TRDMT1: variants seen among roughly 807,000 people sequenced by gnomAD.
The protein encoded by TRDMT1 is tRNA aspartic acid methyltransferase 1, also known as tRNA (cytosine(38)-C(5))-methyltransferase.
A neutral mutation model predicts 51.2 loss-of-function variants in TRDMT1; 49 were observed. The observed-to-expected ratio is 0.96, with a 90% CI of 0.76 to 1.21. The LOEUF is 1.21. Among genes scored for constraint, TRDMT1 ranks in the 50% most tolerant of loss-of-function variants. The pLI, the probability that TRDMT1 is intolerant of heterozygous loss-of-function variation, is 0.00. For missense variants in TRDMT1, 534 were observed against 462.3 expected, an observed-to-expected ratio of 1.16 and a Z score of -1.42; for synonymous variants, 187 against 164.6, an observed-to-expected ratio of 1.14 and a Z score of -1.04.
At chr10:17,181,128 G>A (rs540761117) in intron 1 of TRDMT1, among the ~76,000 whole-genome samples, 1 of 152,236 alleles carries the variant, frequency 6.6e-6, no homozygotes, top group Admixed American at 6.5e-5. Flanking sequence ...CCCCTCTACA[G>A]CTAGATGCAG....
At chr10:17,149,465 T>G (rs1366554524) in intron 10 of TRDMT1, among the ~76,000 whole-genome samples, 9 of 152,168 alleles carry the variant, frequency 5.9e-5, no homozygotes, top group Non-Finnish European at 5.9e-5. Flanking sequence ...TCACAGTTCT[T>G]TCTTTGATTT....
intron 6 of TRDMT1, 64 bp from the exon 7 acceptor site, chr10:17,159,293 AC>A: frequency 1.7e-6 from 2 of 1,151,338 alleles, no homozygotes; most frequent in Non-Finnish European, 2.5e-6. Context: ...CAACTTTAGC[AC>A]CAAGTTAAAC....
At chr10:17,171,195 TTC>T (rs1301775751) in intron 2 of TRDMT1, among the ~76,000 whole-genome samples, 1 of 151,770 alleles carries the variant, frequency 6.6e-6, no homozygotes, top group Non-Finnish European at 1.5e-5. Context: ...AACATTTGCA[TTC>T]TTAGTCCCAG....
intron 6 of TRDMT1, 58 bp from the exon 7 acceptor site, chr10:17,159,287 T>C: frequency 7.9e-7 from 1 of 1,265,500 alleles, no homozygotes; most frequent in Non-Finnish European, 1.1e-6. Flanking sequence ...CGGTACCAAC[T>C]TTAGCACCAA....
chr10:17,148,360 G>T lies in TRDMT1; in HGVS notation c.*680C>A. 1 of 985,382 alleles carries T rather than the reference G, an allele frequency of 1.0e-6. No individual in the cohort carries two copies. Among genetic ancestry groups the T allele is most frequent in the Non-Finnish European group, 1.2e-6 (1 of 829,916 alleles). The allele number at this position is 985,382 out of a possible 1,614,324, so 61.0% of individuals were successfully genotyped here. A position where few individuals can be genotyped will look rare whatever the true frequency, so the allele number is the denominator to read the frequency against. On this transcript the variant is annotated 3_prime_UTR_variant, in exon 11 of 11. Transcript: ENST00000377799. Reference sequence around the variant, plus strand: ...AAGCTTTGATAATAGTCAACTAAAGGAAAGTACATACAAAATGAAGAAGGA... The same window carrying T: ...AAGCTTTGATAATAGTCAACTAAAGTAAAGTACATACAAAATGAAGAAGGA...
At chr10:17,150,505 C>T in intron 10 of TRDMT1, 1 of 985,284 alleles carries the variant, frequency 1.0e-6, no homozygotes, top group African/African-American at 1.7e-5. Flanking sequence ...GAAGGCCTTG[C>T]AAATATCAGC....
intron 1 of TRDMT1, among the ~76,000 whole-genome samples, chr10:17,186,262 C>A (rs1203695954): frequency 6.6e-6 from 1 of 152,032 alleles, no homozygotes; most frequent in African/African-American, 2.4e-5. Context: ...ATCTTAATCC[C>A]TGAAACCTGT....
At chr10:17,151,194 C>T in intron 10 of TRDMT1, 3 of 835,506 alleles carry the variant, frequency 3.6e-6, no homozygotes, top group Non-Finnish European at 4.3e-6. Context: ...AATTACTTTT[C>T]TACCAATCTA....
chr10:17,145,544 T>C lies in TRDMT1; in HGVS notation c.*3496A>G. On this transcript the variant is annotated 3_prime_UTR_variant, in exon 11 of 11. Coordinates refer to ENST00000377799, the MANE Select transcript of TRDMT1 (RefSeq NM_004412.7). ...ACACAGTTTCAAAGTCCAAAGCTATTAGTAAGTCAGTGTCATAACTGGTGG... is the reference window on the plus strand; with the variant it reads ...ACACAGTTTCAAAGTCCAAAGCTATCAGTAAGTCAGTGTCATAACTGGTGG... 1.0e-6 allele frequency: 1 copy of C among 985,430 alleles called. No homozygotes were observed. Among genetic ancestry groups the C allele is most frequent in the Non-Finnish European group, 1.2e-6 (1 of 829,920 alleles). 61.0% of individuals were successfully genotyped at this position (985,430 alleles called of 1,614,324 possible).
intron 3 of TRDMT1, among the ~76,000 whole-genome samples, chr10:17,163,916 C>T (rs1840785135): frequency 1.3e-5 from 2 of 152,196 alleles, no homozygotes. Context: ...CAGACAGATT[C>T]ACAGCCAAAT....
intron 1 of TRDMT1, among the ~76,000 whole-genome samples, chr10:17,178,395 G>T (rs1027116837): frequency 6.6e-6 from 1 of 152,158 alleles, no homozygotes; most frequent in Non-Finnish European, 1.5e-5. Context: ...CTTGTATTTT[G>T]CTGGGTGAGG....
At chr10:17,187,312 A>G (rs907628772) in intron 1 of TRDMT1, among the ~76,000 whole-genome samples, 1 of 152,230 alleles carries the variant, frequency 6.6e-6, no homozygotes, top group Non-Finnish European at 1.5e-5. Flanking sequence ...TTCACTAGTA[A>G]TCAAAAATTA....
Position 17,159,137 on chromosome 10 carries a change from TA to T in TRDMT1, c.543+8del. ...CATAATATTCATAATAAAATTCCAA[TA>T]ATAATACCTGACCAGGGGCTTGAAA... On this transcript the variant is annotated splice_region_variant and intron_variant, in intron 7 of 10. Transcript: ENST00000377799. 1 of 1,543,936 alleles carries T rather than the reference TA, an allele frequency of 6.5e-7. No individual in the cohort carries two copies. Among genetic ancestry groups the T allele is most frequent in the Non-Finnish European group, 8.7e-7 (1 of 1,145,074 alleles).
At chr10:17,152,723 T>C (rs1223259437) in intron 10 of TRDMT1, among the ~76,000 whole-genome samples, 1 of 152,176 alleles carries the variant, frequency 6.6e-6, no homozygotes, top group Non-Finnish European at 1.5e-5. Context: ...ATCAGGGAGA[T>C]GGGCTGGGGC....
intron 1 of TRDMT1, among the ~76,000 whole-genome samples, chr10:17,180,551 A>AC (rs1206366213): frequency 7.4e-6 from 1 of 135,532 alleles, no homozygotes; most frequent in African/African-American, 2.5e-5. Flanking sequence ...AAAAAAAAAA[A>AC]AAAAAACTCT....
At position 17,139,892 on chromosome 10, in the gene TRDMT1, G is replaced by A. The variant is rs1837538722; in HGVS notation, c.*9148C>T. Among the ~76,000 whole-genome samples the A allele has an allele frequency of 6.6e-6, 1 of 152,036 alleles. No individual in the cohort carries two copies. Among genetic ancestry groups the A allele is most frequent in the African/African-American group, 2.4e-5 (1 of 41,356 alleles). On this transcript the variant is annotated 3_prime_UTR_variant, in exon 11 of 11. Transcript: ENST00000377799. Reference sequence around the variant, plus strand: ...CACCTTTGTATGCTTTCTTTATAGTGACTTGGACCATATTTGTTACGGAAG... The same window carrying A: ...CACCTTTGTATGCTTTCTTTATAGTAACTTGGACCATATTTGTTACGGAAG...
At chr10:17,155,778 T>G (rs1304693811) in intron 8 of TRDMT1, among the ~76,000 whole-genome samples, 2 of 152,164 alleles carry the variant, frequency 1.3e-5, no homozygotes, top group Non-Finnish European at 2.9e-5. Context: ...AAAAATAATT[T>G]TTTTCAAACT....
At chr10:17,151,270 A>G (rs17435331) in intron 10 of TRDMT1, 139,753 of 977,266 alleles carry the variant, frequency 0.14, 10,508 homozygotes, top group Admixed American at 0.16. Flanking sequence ...ACTTAGATAC[A>G]TTAAAAATAA....
chr10:17,152,223 A>C (rs1034850401), intron 10 of TRDMT1: 1 of 570,984 alleles, frequency 1.8e-6, no homozygotes, highest in Non-Finnish European at 2.5e-6. Context: ...ATAAACTACA[A>C]GGAAAGTTTG....
Sources: gnomAD v4.1 joint callset for allele counts (sites outside exome capture counted in the v4.1 genomes callset) on GRCh38, gnomAD v4.1.1 for gene constraint, MANE v1.5 for transcripts, NCBI Gene and HGNC (gene_info 2026-07-23, HGNC 2026-07-21) for gene names.